Variants in NBAS observed in about 807,000 individuals in gnomAD.
The protein encoded by NBAS is NAG/BC035112 fusion.
In NBAS, 219 loss-of-function variants were observed where a neutral mutation model predicts 302.5. The ratio of observed to expected loss-of-function variants is 0.72; its 90% CI spans 0.65 to 0.81. The LOEUF (loss-of-function observed/expected upper bound fraction) is 0.81. Among genes scored for constraint, NBAS ranks in the 30% least tolerant of loss-of-function variants. The pLI is 0.00. For synonymous variants in NBAS, 1,118 were observed against 1,021.6 expected, an observed-to-expected ratio of 1.09 and a Z score of -1.80; for missense variants, 2,932 against 2,841.6, an observed-to-expected ratio of 1.03 and a Z score of -0.72.
At chr2:15,503,618 G>C (rs553786181) in intron 11 of NBAS, among the ~76,000 whole-genome samples, 1 of 152,122 alleles carries the variant, frequency 6.6e-6, no homozygotes, top group Non-Finnish European at 1.5e-5. Flanking sequence ...TATTCATCTG[G>C]ATGAAACCGT....
the NBAS span, among the ~76,000 whole-genome samples, chr2:14,993,963 A>G: frequency 2.6e-5 from 4 of 152,252 alleles, no homozygotes; most frequent in Non-Finnish European, 5.9e-5. Context: ...CAGAAGAGAT[A>G]AAGTCAGATA....
chr2:15,278,304 A>G (rs1403900646), intron 42 of NBAS, among the ~76,000 whole-genome samples: 3 of 152,338 alleles, frequency 2.0e-5, no homozygotes, highest in South Asian at 4.1e-4. Context: ...ATTAAGACAC[A>G]GTGCAAACAT....
intron 12 of NBAS, among the ~76,000 whole-genome samples, chr2:15,483,624 C>G (rs985277253): frequency 3.3e-5 from 5 of 152,100 alleles, no homozygotes; most frequent in Admixed American, 2.6e-4. Context: ...TTCATATTGA[C>G]AATGAAAGCC....
chr2:15,094,702 C>T, the NBAS span, among the ~76,000 whole-genome samples: 3 of 152,188 alleles, frequency 2.0e-5, no homozygotes, highest in African/African-American at 7.2e-5. Context: ...CCCAGCTTCC[C>T]TCAGCCGGCT....
intron 21 of NBAS, among the ~76,000 whole-genome samples, chr2:15,432,733 T>C (rs926925085): frequency 6.6e-6 from 1 of 152,160 alleles, no homozygotes; most frequent in Non-Finnish European, 1.5e-5. Context: ...ATAATAATAC[T>C]TGGGGCCTAC....
intron 10 of NBAS, among the ~76,000 whole-genome samples, chr2:15,505,441 A>C (rs1661799755): frequency 6.6e-6 from 1 of 152,194 alleles, no homozygotes; most frequent in African/African-American, 2.4e-5. Flanking sequence ...GAAAAATGGC[A>C]AACAGGAAGA....
the NBAS span, among the ~76,000 whole-genome samples, chr2:15,146,901 C>T: frequency 2.0e-5 from 3 of 152,094 alleles, no homozygotes; most frequent in Non-Finnish European, 4.4e-5. Context: ...GACTCTTAGA[C>T]CTGCATTAAA....
intron 21 of NBAS, among the ~76,000 whole-genome samples, chr2:15,453,224 G>A (rs1679099969): frequency 6.6e-6 from 1 of 152,184 alleles, no homozygotes; most frequent in South Asian, 2.1e-4. Flanking sequence ...CCCAAGGAAA[G>A]CAGGAATGAC....
chr2:14,789,912 C>A, the NBAS span, among the ~76,000 whole-genome samples: 1 of 152,148 alleles, frequency 6.6e-6, no homozygotes, highest in Non-Finnish European at 1.5e-5. Flanking sequence ...GGACCTAATG[C>A]GGGAATTGTA....
chr2:15,541,656 G>C (rs1450859934), intron 6 of NBAS, among the ~76,000 whole-genome samples: 2 of 151,828 alleles, frequency 1.3e-5, no homozygotes, highest in South Asian at 2.1e-4. Context: ...ATACATTCTG[G>C]AACAGCCATT....
the NBAS span, among the ~76,000 whole-genome samples, chr2:15,047,080 T>C: frequency 2.6e-5 from 4 of 152,236 alleles, no homozygotes; most frequent in East Asian, 5.8e-4. Context: ...TCAAGCAAGA[T>C]GGATTGAAGC....
the NBAS span, among the ~76,000 whole-genome samples, chr2:14,993,772 A>C: frequency 9.8e-5 from 15 of 152,324 alleles, no homozygotes; most frequent in South Asian, 4.1e-4. Flanking sequence ...ATATTATATA[A>C]TGTATTCCCA....
At chr2:14,920,566 C>A in the NBAS span, among the ~76,000 whole-genome samples, 2 of 152,174 alleles carry the variant, frequency 1.3e-5, no homozygotes, top group African/African-American at 4.8e-5. Context: ...GTTGTTTTGT[C>A]TAGATTAAAA....
Position 15,330,187 on chromosome 2 carries a change from C to T in NBAS, c.4347+411G>A, listed in dbSNP as rs372614213. Among the ~76,000 whole-genome samples the T allele has an allele frequency of 2.8e-4, 43 of 152,294 alleles. No individual in the cohort carries two copies. In the East Asian group the frequency reaches 5.8e-3, roughly 21 times the overall value. On this transcript the variant is annotated intron_variant, in intron 36 of 51. Transcript: ENST00000281513. ...ATGCAGAGCAAACTCAATTGCTCTA[C>T]TGCCTGCCCTGACTGACTTCCAGAA... is the stretch of plus-strand genomic sequence containing the variant.
At chr2:15,196,549 T>G (rs1258916906) in intron 48 of NBAS, among the ~76,000 whole-genome samples, 1 of 151,912 alleles carries the variant, frequency 6.6e-6, no homozygotes. Flanking sequence ...CAGAACAAAC[T>G]TCACAGAGGA....
the NBAS span, among the ~76,000 whole-genome samples, chr2:15,114,323 G>A: frequency 1.2e-4 from 19 of 152,150 alleles, no homozygotes; most frequent in Non-Finnish European, 2.5e-4. Flanking sequence ...GCTCGTAGAT[G>A]GACCTCCTCT....
the NBAS span, among the ~76,000 whole-genome samples, chr2:14,989,279 G>A: frequency 8.2e-6 from 1 of 121,756 alleles, no homozygotes; most frequent in East Asian, 2.5e-4. Flanking sequence ...TACATATATA[G>A]TAGATGTATG....
At chr2:14,793,083 TC>T in the NBAS span, among the ~76,000 whole-genome samples, 1 of 152,036 alleles carries the variant, frequency 6.6e-6, no homozygotes, top group African/African-American at 2.4e-5. Flanking sequence ...TCTCTCTCTC[TC>T]TCTCTCTCTC....
chr2:15,482,677 G>GTT (rs1406566944), intron 12 of NBAS, among the ~76,000 whole-genome samples: 1 of 125,616 alleles, frequency 8.0e-6, no homozygotes, highest in African/African-American at 2.9e-5. Flanking sequence ...AAGGTAAGAA[G>GTT]TTCTTTGATT....
Sources: allele counts gnomAD v4.1 joint callset (sites outside exome capture counted in the v4.1 genomes callset), GRCh38; gene constraint gnomAD v4.1.1; transcripts MANE v1.5; gene names NCBI Gene and HGNC (gene_info 2026-07-23, HGNC 2026-07-21).